Variants in ANK3 observed in about 807,000 individuals in gnomAD.
ANK3 encodes ankyrin 3.
Under a neutral mutation model 370.9 loss-of-function variants are expected in ANK3, and 57 were observed. That is an observed-to-expected ratio of 0.15 (90% confidence interval 0.12 to 0.19). The LOEUF (loss-of-function observed/expected upper bound fraction) is 0.19, where lower values mean the gene tolerates loss of function less well. Among genes scored for constraint, ANK3 ranks in the 10% least tolerant of loss-of-function variants. The pLI is 1.00. For synonymous variants in ANK3, 1,929 were observed against 1,946.3 expected, an observed-to-expected ratio of 0.99 and a Z score of 0.23; for missense variants, 4,439 against 5,302.1, an observed-to-expected ratio of 0.84 and a Z score of 5.06.
intron 28 of ANK3, among the ~76,000 whole-genome samples, chr10:60,097,331 C>A (rs567695251): frequency 6.6e-6 from 1 of 152,266 alleles, no homozygotes; most frequent in African/African-American, 2.4e-5. Context: ...GGTTGATAAA[C>A]GGATGAGTAA....
At chr10:60,602,607 G>C (rs2078079432) in intron 2 of ANK3, among the ~76,000 whole-genome samples, 1 of 152,042 alleles carries the variant, frequency 6.6e-6, no homozygotes, top group African/African-American at 2.4e-5. Flanking sequence ...CTTAAATTGG[G>C]ATATATGGAC....
intron 1 of ANK3, among the ~76,000 whole-genome samples, chr10:60,294,103 G>C (rs2132766476): frequency 6.6e-6 from 1 of 151,930 alleles, no homozygotes; most frequent in East Asian, 1.9e-4. Flanking sequence ...AGCTAAAACT[G>C]GTCTAGGTAG....
At chr10:60,264,347 T>C (rs2097848885) in intron 5 of ANK3, among the ~76,000 whole-genome samples, 1 of 152,044 alleles carries the variant, frequency 6.6e-6, no homozygotes. Flanking sequence ...ATATCAATAT[T>C]CATAAAATAA....
chr10:60,028,975 T>C lies in ANK3; in HGVS notation c.*871A>G, dbSNP rs2131823992. 1 of 152,756 alleles carries C rather than the reference T, an allele frequency of 6.5e-6. No individual in the cohort carries two copies. Among genetic ancestry groups the C allele is most frequent in the Middle Eastern group, 3.4e-3 (1 of 294 alleles). 9.5% of individuals were successfully genotyped at this position (152,756 alleles called of 1,614,324 possible). ...TTTGTGTTGCAGTATACTGTAGTGTTTGCAAAATTGGAAAAGATTTAATCA... is the reference window on the plus strand; with the variant it reads ...TTTGTGTTGCAGTATACTGTAGTGTCTGCAAAATTGGAAAAGATTTAATCA... On this transcript the variant is annotated 3_prime_UTR_variant, in exon 44 of 44. Transcript: ENST00000280772.
Position 60,261,955 on chromosome 10 carries a change from A to G in ANK3, c.702T>C (p.Ser234=). 3 of 1,613,290 alleles carry G rather than the reference A, an allele frequency of 1.9e-6. No individual in the cohort carries two copies. Among genetic ancestry groups the G allele is most frequent in the Non-Finnish European group, 2.5e-6 (3 of 1,179,332 alleles). The change falls in exon 7 of 44, where the codon AGT becomes AGC. Residue 234 remains serine, a splice_region_variant and synonymous_variant. Coordinates refer to ENST00000280772, the MANE Select transcript of ANK3 (RefSeq NM_020987.5). ...NDNNADVESK[S]GFTPLHIAAH... is the part of the protein sequence containing the mutation. ...CAGCTATGTGGAGCGGAGTGAAGCC[A>G]CTCTGTAAAGAAAACATAGCAGACA...
chr10:60,633,856 G>A (rs896166928), intron 1 of ANK3, among the ~76,000 whole-genome samples: 1 of 152,066 alleles, frequency 6.6e-6, no homozygotes, highest in African/African-American at 2.4e-5. Context: ...GAAAATCCAC[G>A]CTTGCCACTG....
At chr10:60,686,559 C>T (rs569478515) in intron 1 of ANK3, among the ~76,000 whole-genome samples, 4 of 152,194 alleles carry the variant, frequency 2.6e-5, no homozygotes, top group African/African-American at 7.2e-5. Context: ...TTGTATAGTA[C>T]TTTCTATGTG....
At chr10:60,226,858 T>C (rs564234021) in intron 8 of ANK3, among the ~76,000 whole-genome samples, 2 of 150,564 alleles carry the variant, frequency 1.3e-5, no homozygotes, top group African/African-American at 4.9e-5. Flanking sequence ...TTTTGTGCTA[T>C]AGCATATATT....
intron 2 of ANK3, among the ~76,000 whole-genome samples, chr10:60,419,537 C>T (rs138158741): frequency 8.5e-5 from 13 of 152,230 alleles, no homozygotes; most frequent in African/African-American, 3.1e-4. Context: ...ACTTTACATT[C>T]CTTCCAATGT....
At chr10:60,206,922 T>A (rs887459814) in intron 10 of ANK3, among the ~76,000 whole-genome samples, 3 of 152,174 alleles carry the variant, frequency 2.0e-5, no homozygotes, top group Non-Finnish European at 2.9e-5. Flanking sequence ...CCACAGTCCA[T>A]CCCAGGATGA....
chr10:60,490,379 C>G (rs938819253), intron 2 of ANK3, among the ~76,000 whole-genome samples: 2 of 152,170 alleles, frequency 1.3e-5, no homozygotes, highest in South Asian at 4.1e-4. Context: ...AAAAGTTTGA[C>G]GACCACTGCT....
chr10:60,117,597 A>T (rs1393670922), intron 25 of ANK3, among the ~76,000 whole-genome samples: 2 of 152,168 alleles, frequency 1.3e-5, no homozygotes, highest in African/African-American at 2.4e-5. Flanking sequence ...CAGGTAGATC[A>T]CTTGAGGTCA....
In ANK3 at chr10:60,044,098, T is replaced by A. The variant is rs1175133186; in HGVS notation, c.13066-1339A>T. ...CCACATCATCACGTTTTCTCTCTTG[T>A]GGGATAACAATTCGTCTTAATACTT... On this transcript the variant is annotated intron_variant, in intron 42 of 43. Coordinates refer to ENST00000280772, the MANE Select transcript of ANK3 (RefSeq NM_020987.5). 8.1e-6 allele frequency: 8 copies of A among 985,568 alleles called. No individual in the cohort carries two copies. In the Admixed American group the frequency reaches 4.9e-4, roughly 61 times the overall value. The allele number at this position is 985,568 out of a possible 1,614,324, so 61.1% of individuals were successfully genotyped here.
intron 42 of ANK3, chr10:60,043,012 C>T (rs986721035): frequency 1.1e-5 from 14 of 1,260,698 alleles, no homozygotes; most frequent in Non-Finnish European, 1.4e-5. Context: ...AGTGATAAAT[C>T]AAAATAACGA....
At chr10:60,172,570 A>G (rs562921687) in intron 20 of ANK3, among the ~76,000 whole-genome samples, 167 bp from the exon 21 acceptor site, 51 of 152,324 alleles carry the variant, frequency 3.3e-4, no homozygotes, top group African/African-American at 1.2e-3. Context: ...ACCTGTTTGT[A>G]CAGCAAAGTC....
chr10:60,687,398 A>C (rs2079282792), intron 1 of ANK3, among the ~76,000 whole-genome samples: 1 of 152,208 alleles, frequency 6.6e-6, no homozygotes, highest in African/African-American at 2.4e-5. Flanking sequence ...GGCTTGAACA[A>C]GCATTTTTCC....
rs992135431 is a variant in ANK3, at chr10:60,322,123, T to C, written c.115-42484A>G. 4.6e-5 allele frequency among the ~76,000 whole-genome samples: 7 copies of C among 152,292 alleles called. No homozygotes were observed. The East Asian group carries it at 1.3e-3, about 29-fold the overall frequency. The stretch of plus-strand genomic sequence containing the variant: ...ATAAAGACATTTGGTATAAGCTTGA[T>C]GGGTTCTTAACTAATATATTAAGTA... On this transcript the variant is annotated intron_variant, in intron 1 of 43. Coordinates refer to ENST00000280772, the MANE Select transcript of ANK3 (RefSeq NM_020987.5).
intron 7 of ANK3, among the ~76,000 whole-genome samples, chr10:60,251,244 A>T (rs569710882): frequency 2.0e-5 from 3 of 152,286 alleles, no homozygotes; most frequent in African/African-American, 7.2e-5. Flanking sequence ...AGCTGAACAG[A>T]GCCTCAGGGT....
chr10:60,068,968 AGTGGTGGTG>A lies in ANK3; in HGVS notation c.11904_11912del (p.Thr3976_Thr3978del), dbSNP rs548780827. 3.1e-6 allele frequency: 5 copies of A among 1,612,778 alleles called. No individual in the cohort carries two copies. Among genetic ancestry groups the A allele is most frequent in the South Asian group, 1.1e-5 (1 of 91,012 alleles). ...AGCTGGTGGTGGTGGTAGTGGTGGT[AGTGGTGGTG>A]GTGGTGGCAGTGGTGGTGGTGGTAG... On this transcript the variant is annotated inframe_deletion, in exon 37 of 44. Transcript: ENST00000280772.
Sources: allele counts gnomAD v4.1 joint callset (sites outside exome capture counted in the v4.1 genomes callset), GRCh38; gene constraint gnomAD v4.1.1; transcripts MANE v1.5; gene names NCBI Gene and HGNC (gene_info 2026-07-23, HGNC 2026-07-21).